The following RYK variants were observed in gnomAD, a reference collection of about 807,000 sequenced individuals.
RYK encodes inactive tyrosine-protein kinase RYK.
Under a neutral mutation model 70.2 loss-of-function variants are expected in RYK, and 21 were observed. That is an observed-to-expected ratio of 0.30 (90% CI 0.21 to 0.43). The LOEUF is 0.43. Ranked by LOEUF, RYK falls within the 20% of genes least tolerant of loss-of-function variation. RYK has a pLI of 1.00. For missense variants in RYK, 604 were observed against 753.3 expected (o/e 0.80, Z 2.32); for synonymous variants, 267 against 278.0 (o/e 0.96, Z 0.39).
intron 2 of RYK, among the ~76,000 whole-genome samples, chr3:134,218,947 C>T (rs1160689295): frequency 6.6e-6 from 1 of 152,128 alleles, no homozygotes. Context: ...AGGATCCCTT[C>T]TACATTTCTG....
At chr3:134,159,422 A>AG (rs773741597) in intron 13 of RYK, 49 bp from the exon 14 acceptor site, 1 of 1,525,640 alleles carries the variant, frequency 6.6e-7, no homozygotes, top group Non-Finnish European at 8.8e-7. Context: ...AACAACAGTC[A>AG]GGGGGCTAGC....
At chr3:134,200,037 G>A (rs2013949226) in intron 6 of RYK, among the ~76,000 whole-genome samples, 1 of 139,908 alleles carries the variant, frequency 7.1e-6, no homozygotes, top group Non-Finnish European at 1.6e-5. Flanking sequence ...TCACCACTCT[G>A]TAAAATGGGC....
rs200139418 is a variant in RYK at position 134,250,813 on chromosome 3, GCGC to G, written c.-162_-160del. 114,043 of 161,070 alleles carry G rather than the reference GCGC, an allele frequency of 0.71. 41,920 individuals are homozygous for G. The highest frequency in any genetic ancestry group is 0.99 in the East Asian group (5,071 of 5,112). 10.0% of individuals were successfully genotyped at this position (161,070 alleles called of 1,614,324 possible). ...AGCAGTGGCTTCAGACCTCCGGAGC[GCGC>G]CGCCGCCGCCGCCTCCTCGCTGCAT... On this transcript the variant is annotated 5_prime_UTR_variant, in exon 1 of 15. Coordinates refer to ENST00000623711, the MANE Select transcript of RYK (RefSeq NM_002958.4).
At chr3:134,170,026 A>G (rs1316881844) in intron 13 of RYK, among the ~76,000 whole-genome samples, 1 of 152,222 alleles carries the variant, frequency 6.6e-6, no homozygotes, top group Non-Finnish European at 1.5e-5. Context: ...AAAAAATTCA[A>G]TCCCAAAAAA....
intron 5 of RYK, among the ~76,000 whole-genome samples, chr3:134,203,816 T>C (rs2014107811): frequency 6.6e-6 from 1 of 152,224 alleles, no homozygotes; most frequent in Non-Finnish European, 1.5e-5. Flanking sequence ...CAGTAGCCAC[T>C]GGTCACCTGT....
At chr3:134,162,953 A>T (rs1559998028) in intron 13 of RYK, among the ~76,000 whole-genome samples, 1 of 152,192 alleles carries the variant, frequency 6.6e-6, no homozygotes, top group Non-Finnish European at 1.5e-5. Flanking sequence ...AACCCCATCC[A>T]CTGACATTAT....
intron 2 of RYK, among the ~76,000 whole-genome samples, chr3:134,221,645 C>T: frequency 6.6e-6 from 1 of 152,110 alleles, no homozygotes; most frequent in East Asian, 1.9e-4. Flanking sequence ...AATATTATGA[C>T]AGACACTACT....
At chr3:134,197,148 A>G (rs1298414213) in intron 6 of RYK, among the ~76,000 whole-genome samples, 1 of 152,166 alleles carries the variant, frequency 6.6e-6, no homozygotes, top group Admixed American at 6.5e-5. Context: ...ATACTTTGCA[A>G]CTCAAAGAGA....
At chr3:134,250,394 C>A in intron 1 of RYK, 29 bp downstream of exon 1, 1 of 1,347,028 alleles carries the variant, frequency 7.4e-7, no homozygotes, top group Non-Finnish European at 9.6e-7. Context: ...GCCCGACCTG[C>A]CCGCCCCGGC....
At chr3:134,180,615 A>C (rs2013262987) in intron 10 of RYK, 1 of 152,250 alleles carries the variant, frequency 6.6e-6, no homozygotes, top group Admixed American at 6.5e-5. Context: ...GAATAAAAGA[A>C]TGAACAAACA....
At chr3:134,236,085 C>A (rs1311677574) in intron 1 of RYK, among the ~76,000 whole-genome samples, 1 of 151,938 alleles carries the variant, frequency 6.6e-6, no homozygotes, top group Non-Finnish European at 1.5e-5. Context: ...TTCTAATATC[C>A]CTTTGGGATA....
chr3:134,227,333 T>A (rs966899129), intron 1 of RYK, among the ~76,000 whole-genome samples: 3 of 152,138 alleles, frequency 2.0e-5, no homozygotes, highest in African/African-American at 7.2e-5. Flanking sequence ...TGAATACTGT[T>A]AACATGTCAA....
intron 13 of RYK, among the ~76,000 whole-genome samples, chr3:134,169,956 C>T (rs999075754): frequency 6.6e-6 from 1 of 152,106 alleles, no homozygotes; most frequent in African/African-American, 2.4e-5. Flanking sequence ...TACACATTTC[C>T]AACCCAAATG....
chr3:134,229,194 G>T (rs1245928407), intron 1 of RYK, among the ~76,000 whole-genome samples: 2 of 151,944 alleles, frequency 1.3e-5, no homozygotes, highest in East Asian at 3.9e-4. Flanking sequence ...CTGCCAGAGC[G>T]GAGCGCTCCC....
At chr3:134,234,238 T>C (rs373077711) in intron 1 of RYK, among the ~76,000 whole-genome samples, 14 of 152,174 alleles carry the variant, frequency 9.2e-5, no homozygotes, top group African/African-American at 3.1e-4. Context: ...TGATAAGAGA[T>C]ACAGAAAAGG....
chr3:134,189,754 A>AC (rs1311324917), intron 8 of RYK, among the ~76,000 whole-genome samples: 4 of 151,088 alleles, frequency 2.6e-5, no homozygotes, highest in African/African-American at 9.7e-5. Context: ...AAAAAAAAAA[A>AC]AAAAAACAAA....
At chr3:134,243,888 A>G (rs530350265) in intron 1 of RYK, among the ~76,000 whole-genome samples, 4 of 152,262 alleles carry the variant, frequency 2.6e-5, no homozygotes, top group Non-Finnish European at 4.4e-5. Context: ...AGTCTCCCCT[A>G]CAAAATTCTG....
intron 13 of RYK, among the ~76,000 whole-genome samples, chr3:134,171,767 T>A (rs890934154): frequency 2.4e-4 from 37 of 151,732 alleles, no homozygotes; most frequent in African/African-American, 9.0e-4. Flanking sequence ...CTCAGGAGGC[T>A]GAGGCAGGAG....
intron 1 of RYK, among the ~76,000 whole-genome samples, chr3:134,249,406 G>A (rs2015547895): frequency 6.6e-6 from 1 of 152,080 alleles, no homozygotes; most frequent in South Asian, 2.1e-4. Context: ...AATAATGGAT[G>A]CAATAGAGAA....
Sources: allele counts gnomAD v4.1 joint callset (sites outside exome capture counted in the v4.1 genomes callset), GRCh38; gene constraint gnomAD v4.1.1; transcripts MANE v1.5; gene names NCBI Gene and HGNC (gene_info 2026-07-23, HGNC 2026-07-21).